The following FGF14 variants were observed in gnomAD, a reference collection of about 807,000 sequenced individuals.
FGF14 encodes the protein fibroblast growth factor homologous factor 4.
In FGF14, 5 loss-of-function variants were observed where a neutral mutation model predicts 25.5. That is an observed-to-expected ratio of 0.20 (90% CI 0.10 to 0.41). The LOEUF is 0.41. FGF14 is among the 10% of genes least tolerant of loss of function. The pLI is 1.00. For missense variants in FGF14, 222 were observed against 320.1 expected, an observed-to-expected ratio of 0.69 and a Z score of 2.34; for synonymous variants, 138 against 118.3, an observed-to-expected ratio of 1.17 and a Z score of -1.08.
chr13:102,294,922 G>C (rs1197994649), intron 1 of FGF14, among the ~76,000 whole-genome samples: 2 of 152,182 alleles, frequency 1.3e-5, no homozygotes, highest in Admixed American at 6.5e-5. Context: ...GTCTGGCACA[G>C]AGTAAGCTCT....
At chr13:101,913,665 TC>T (rs1271641553) in intron 1 of FGF14, among the ~76,000 whole-genome samples, 1 of 152,130 alleles carries the variant, frequency 6.6e-6, no homozygotes, top group Non-Finnish European at 1.5e-5. Context: ...CAATATTTTT[TC>T]CACCTCAAGG....
chr13:102,183,119 C>T (rs867324781), intron 1 of FGF14, among the ~76,000 whole-genome samples: 4 of 151,194 alleles, frequency 2.6e-5, no homozygotes, highest in East Asian at 1.9e-4. Context: ...CACTATGGAG[C>T]GCTATATAAA....
chr13:102,068,943 G>A (rs1293887415), intron 1 of FGF14, among the ~76,000 whole-genome samples: 1 of 151,980 alleles, frequency 6.6e-6, no homozygotes, highest in Non-Finnish European at 1.5e-5. Flanking sequence ...CTCCTGATCT[G>A]GTGGGGACGT....
chr13:102,233,786 A>T (rs1330800960), intron 1 of FGF14, among the ~76,000 whole-genome samples: 1 of 152,212 alleles, frequency 6.6e-6, no homozygotes, highest in East Asian at 1.9e-4. Context: ...ACACTTTTCC[A>T]GGAAGCTTAC....
chr13:102,258,731 G>A (rs541400735), intron 1 of FGF14, among the ~76,000 whole-genome samples: 7 of 152,312 alleles, frequency 4.6e-5, no homozygotes, highest in Non-Finnish European at 7.4e-5. Flanking sequence ...GGCTGCACAT[G>A]AGCTTTGTGA....
At chr13:102,018,608 C>T (rs1466278459) in intron 1 of FGF14, among the ~76,000 whole-genome samples, 1 of 151,908 alleles carries the variant, frequency 6.6e-6, no homozygotes, top group Non-Finnish European at 1.5e-5. Context: ...CCTCTTCCTT[C>T]TCTGGCCCTG....
intron 1 of FGF14, among the ~76,000 whole-genome samples, chr13:102,170,473 T>G (rs982839111): frequency 2.6e-5 from 4 of 151,948 alleles, no homozygotes; most frequent in African/African-American, 9.7e-5. Context: ...AGAAAGTCAT[T>G]TACAGACGAA....
At chr13:101,963,483 T>C (rs1218648035) in intron 1 of FGF14, among the ~76,000 whole-genome samples, 2 of 152,198 alleles carry the variant, frequency 1.3e-5, no homozygotes, top group East Asian at 3.9e-4. Flanking sequence ...CACAAACTAA[T>C]GCTCATTCCC....
chr13:102,156,765 T>A (rs867797934), intron 1 of FGF14, among the ~76,000 whole-genome samples: 1 of 152,128 alleles, frequency 6.6e-6, no homozygotes, highest in African/African-American at 2.4e-5. Context: ...GAAAACCCCA[T>A]TGTCTCAGCC....
chr13:101,942,380 G>GA (rs1473074543), intron 1 of FGF14, among the ~76,000 whole-genome samples: 1 of 151,434 alleles, frequency 6.6e-6, no homozygotes, highest in Non-Finnish European at 1.5e-5. Context: ...ATAAATTCTA[G>GA]AAAAAAAATA....
chr13:102,054,555 C>T (rs2042350086), intron 1 of FGF14, among the ~76,000 whole-genome samples: 1 of 152,134 alleles, frequency 6.6e-6, no homozygotes, highest in Non-Finnish European at 1.5e-5. Flanking sequence ...GTGTTAATGT[C>T]AATTTTAATT....
chr13:102,196,812 C>G lies in FGF14; in HGVS notation c.208+204659G>C, dbSNP rs117609366. 3.5e-4 allele frequency among the ~76,000 whole-genome samples: 54 copies of G among 152,194 alleles called. 1 individual carries two copies. In the East Asian group the frequency reaches 8.5e-3, roughly 24 times the overall value. ...TTCCTGTCTACCAGAAACTTTGTAC[C>G]GTTTGATCAACATCTACCCCCTTTC... On this transcript the variant is annotated intron_variant, in intron 1 of 4. Coordinates refer to the FGF14 transcript ENST00000376131.
At chr13:102,118,457 C>T (rs1007978522) in intron 1 of FGF14, among the ~76,000 whole-genome samples, 5 of 152,008 alleles carry the variant, frequency 3.3e-5, no homozygotes, top group Admixed American at 3.3e-4. Context: ...TTGGTTACTA[C>T]AGACTATTTT....
At chr13:101,740,864 A>G (rs1170838258) in intron 3 of FGF14, among the ~76,000 whole-genome samples, 1 of 152,154 alleles carries the variant, frequency 6.6e-6, no homozygotes, top group Non-Finnish European at 1.5e-5. Context: ...ATCTTCATGC[A>G]TTCCTATAAC....
intron 1 of FGF14, among the ~76,000 whole-genome samples, chr13:102,192,246 C>T (rs536385308): frequency 1.4e-4 from 21 of 152,336 alleles, no homozygotes; most frequent in African/African-American, 5.1e-4. Context: ...CTGGTCTGGT[C>T]TTGCAAGATC....
intron 1 of FGF14, among the ~76,000 whole-genome samples, chr13:102,311,539 AAC>A (rs2055767236): frequency 6.6e-6 from 1 of 152,146 alleles, no homozygotes; most frequent in Non-Finnish European, 1.5e-5. Context: ...GGTGTGGAAA[AAC>A]ACTCCCATTA....
At chr13:102,205,871 TC>T (rs1391013601) in intron 1 of FGF14, among the ~76,000 whole-genome samples, 2 of 150,170 alleles carry the variant, frequency 1.3e-5, no homozygotes, top group Non-Finnish European at 3.0e-5. Context: ...ACTCACACAC[TC>T]CTAGTGGAAG....
intron 1 of FGF14, among the ~76,000 whole-genome samples, chr13:102,150,295 GT>G (rs58266375): frequency 0.45 from 67,065 of 148,296 alleles, 15,990 homozygotes; most frequent in East Asian, 0.85. Flanking sequence ...GTGTTTTTAG[GT>G]TTTTTTTTTT....
intron 1 of FGF14, among the ~76,000 whole-genome samples, chr13:102,025,915 C>T (rs749471939): frequency 6.6e-6 from 1 of 151,794 alleles, no homozygotes. Context: ...TGTGTGAATT[C>T]TTTTGCATTA....
Sources: gnomAD v4.1 joint callset for allele counts (sites outside exome capture counted in the v4.1 genomes callset) on GRCh38, gnomAD v4.1.1 for gene constraint, MANE v1.5 for transcripts, NCBI Gene and HGNC (gene_info 2026-07-23, HGNC 2026-07-21) for gene names.